The following TET1 variants were observed in gnomAD, a reference collection of about 807,000 sequenced individuals.
TET1 encodes tet methylcytosine dioxygenase 1.
A neutral mutation model predicts 148.7 loss-of-function variants in TET1; 13 were observed. The ratio of observed to expected loss-of-function variants is 0.09; its 90% CI spans 0.06 to 0.14. The LOEUF (loss-of-function observed/expected upper bound fraction) is 0.14, where lower values mean the gene tolerates loss of function less well. Ranked by LOEUF, TET1 falls within the 10% of genes least tolerant of loss-of-function variation. TET1 has a pLI of 1.00. For synonymous variants in TET1, 907 were observed against 937.2 expected, an observed-to-expected ratio of 0.97 and a Z score of 0.59; for missense variants, 2,182 against 2,553.8, an observed-to-expected ratio of 0.85 and a Z score of 3.14.
chr10:68,644,220 G>A (rs1455900031), intron 3 of TET1, among the ~76,000 whole-genome samples: 2 of 151,384 alleles, frequency 1.3e-5, no homozygotes, highest in African/African-American at 4.9e-5. Flanking sequence ...TTGTTTCTTG[G>A]AGAAGAGGTC....
In TET1 at chr10:68,694,057, GGTAATGTATGCA is replaced by G. The variant is rs2055625403; in HGVS notation, c.*2249_*2260del. The stretch of plus-strand genomic sequence containing the variant: ...GCAAATTATCTTCAGTATAATCCAT[GGTAATGTATGCA>G]GTAATTCAAATTGATCTCTCTCTCA... On this transcript the variant is annotated 3_prime_UTR_variant, in exon 12 of 12. Transcript: ENST00000373644. 4.3e-6 allele frequency: 1 copy of G among 231,680 alleles called. No homozygotes were observed. The highest frequency in any genetic ancestry group is 8.5e-6 in the Non-Finnish European group (1 of 117,246). 14.4% of individuals were successfully genotyped at this position (231,680 alleles called of 1,614,324 possible).
At position 68,642,605 on chromosome 10, in the gene TET1, TTTC is replaced by T. The variant is rs1294752515; in HGVS notation, c.1969-2087_1969-2085del. Among the ~76,000 whole-genome samples the T allele has an allele frequency of 2.6e-5, 4 of 152,188 alleles. 1 individual carries two copies. Among genetic ancestry groups the T allele is most frequent in the South Asian group, 2.1e-4 (1 of 4,820 alleles). ...ACTAAAAACCACTGAATTGTACACT[TTTC>T]TTCTTTTTTTTTTGAGATGGAGTTT... On this transcript the variant is annotated intron_variant, in intron 3 of 11. Transcript: ENST00000373644.
intron 6 of TET1, among the ~76,000 whole-genome samples, chr10:68,662,081 G>T (rs1241884531): frequency 2.0e-5 from 3 of 151,924 alleles, no homozygotes; most frequent in Non-Finnish European, 4.4e-5. Context: ...CACCATGTTG[G>T]CCATGCTGGT....
intron 8 of TET1, among the ~76,000 whole-genome samples, chr10:68,680,026 C>T (rs1041318086): frequency 2.0e-5 from 3 of 151,982 alleles, no homozygotes; most frequent in Non-Finnish European, 4.4e-5. Flanking sequence ...GCCTGATTAA[C>T]AGACAAATCT....
At chr10:68,577,496 A>AAAAC (rs74727125) in intron 2 of TET1, among the ~76,000 whole-genome samples, 3 of 151,726 alleles carry the variant, frequency 2.0e-5, no homozygotes, top group African/African-American at 4.8e-5. Context: ...CAAAAAACAA[A>AAAAC]AAACAAACAA....
chr10:68,621,585 AAAAT>A (rs1317331459), intron 3 of TET1, among the ~76,000 whole-genome samples: 1 of 152,016 alleles, frequency 6.6e-6, no homozygotes, highest in Admixed American at 6.6e-5. Flanking sequence ...CATCTCAAAA[AAAAT>A]AAATAAATAA....
At chr10:68,687,212 T>C (rs1397241096) in intron 11 of TET1, among the ~76,000 whole-genome samples, 1 of 139,576 alleles carries the variant, frequency 7.2e-6, no homozygotes, top group African/African-American at 2.6e-5. Flanking sequence ...CTACTTATCC[T>C]TTTTTATACT....
chr10:68,683,402 C>A (rs557292788), intron 10 of TET1, among the ~76,000 whole-genome samples: 3 of 152,288 alleles, frequency 2.0e-5, no homozygotes, highest in Admixed American at 2.0e-4. Flanking sequence ...CCTTAGCCTC[C>A]CAAGTAGCTG....
chr10:68,614,444 CTCAG>C (rs1248800601), intron 3 of TET1, among the ~76,000 whole-genome samples: 8 of 152,284 alleles, frequency 5.3e-5, no homozygotes, highest in African/African-American at 1.7e-4. Flanking sequence ...TTTCAAAAAA[CTCAG>C]TCAAATTCAC....
chr10:68,564,100 C>T (rs1056252164), intron 1 of TET1, among the ~76,000 whole-genome samples: 3 of 151,478 alleles, frequency 2.0e-5, no homozygotes, highest in South Asian at 2.1e-4. Context: ...GGATTGCATA[C>T]TCTGTAGTTC....
rs2055296027 is a variant in TET1, at chr10:68,673,025, G to T, written c.4804G>T (p.Asp1602Tyr). ...CCCAAGCCCCAGAAGATTTAGAATTGATCCAAGCTCTCCCTTACATGTAAG... is the reference window on the plus strand; with the variant it reads ...CCCAAGCCCCAGAAGATTTAGAATTTATCCAAGCTCTCCCTTACATGTAAG... ...RSPSPRRFRI[D>Y]PSSPLHEKNL... The change falls in exon 8 of 12, where the codon GAT becomes TAT. Residue 1602 changes from aspartate to tyrosine, a missense_variant. By Grantham distance (160) the Asp-to-Tyr change is radical (BLOSUM62 -3). Coordinates refer to ENST00000373644, the MANE Select transcript of TET1 (RefSeq NM_030625.3). 1 of 1,609,832 alleles carries T rather than the reference G, an allele frequency of 6.2e-7. No individual in the cohort carries two copies. The highest frequency in any genetic ancestry group is 1.3e-5 in the African/African-American group (1 of 74,854).
intron 3 of TET1, among the ~76,000 whole-genome samples, chr10:68,626,051 T>C (rs1431776894): frequency 4.3e-5 from 6 of 138,834 alleles, no homozygotes; most frequent in African/African-American, 1.7e-4. Flanking sequence ...GCCACTGCAC[T>C]CCAGCCTGGG....
intron 3 of TET1, among the ~76,000 whole-genome samples, chr10:68,638,295 G>C (rs997377629): frequency 2.0e-5 from 3 of 152,164 alleles, no homozygotes; most frequent in African/African-American, 4.8e-5. Flanking sequence ...TGACAGCATA[G>C]GTCCTGACAG....
chr10:68,681,302 G>A (rs748250346), intron 8 of TET1, 97 bp from the exon 9 acceptor site: 3 of 690,692 alleles, frequency 4.3e-6, no homozygotes, highest in Non-Finnish European at 7.4e-6. Flanking sequence ...TATGAATTGT[G>A]CATTAACCAC....
At chr10:68,680,424 C>G (rs1214802599) in intron 8 of TET1, among the ~76,000 whole-genome samples, 3 of 152,146 alleles carry the variant, frequency 2.0e-5, no homozygotes, top group Admixed American at 6.5e-5. Context: ...CTTGATCTGC[C>G]ACTTCAGCCT....
intron 3 of TET1, among the ~76,000 whole-genome samples, chr10:68,605,335 TA>T (rs1383347996): frequency 4.6e-5 from 7 of 151,680 alleles, no homozygotes; most frequent in African/African-American, 1.7e-4. Flanking sequence ...TAGCCAGGGG[TA>T]GTGGCGCATG....
chr10:68,669,335 G>C (rs953421657), intron 7 of TET1, among the ~76,000 whole-genome samples: 1 of 151,816 alleles, frequency 6.6e-6, no homozygotes, highest in African/African-American at 2.4e-5. Context: ...TTTTGAGACA[G>C]AGTCTCACTC....
At chr10:68,636,979 CGTTGT>C (rs147229265) in intron 3 of TET1, among the ~76,000 whole-genome samples, 46,813 of 114,938 alleles carry the variant, frequency 0.41, 8,255 homozygotes, top group Non-Finnish European at 0.47. Context: ...TTATTTTACT[CGTTGT>C]GTGTGTGTGT....
rs557747751 is a variant in TET1, at chr10:68,686,642, G to T, written c.5339G>T (p.Arg1780Leu). The T allele has an allele frequency of 6.2e-7, 1 of 1,614,100 alleles. No individual in the cohort carries two copies. Among genetic ancestry groups the T allele is most frequent in the Non-Finnish European group, 8.5e-7 (1 of 1,180,026 alleles). Residue 1780 changes from arginine to leucine, a missense_variant, in exon 11 of 12, where the codon CGA becomes CTA. Transcript: ENST00000373644. Reference protein sequence around the residue: ...IRAVEKKPIPRIKRKNNSTTT... With the variant: ...IRAVEKKPIPLIKRKNNSTTT... ...GCAGTGGAAAAGAAACCTATTCCCC[G>T]AATCAAGCGGAAGAATAACTCAACA... is the stretch of plus-strand genomic sequence containing the variant.
Sources: gnomAD v4.1 joint callset for allele counts (sites outside exome capture counted in the v4.1 genomes callset) on GRCh38, gnomAD v4.1.1 for gene constraint, MANE v1.5 for transcripts, NCBI Gene and HGNC (gene_info 2026-07-23, HGNC 2026-07-21) for gene names.